The following TENM3 variants were observed in gnomAD, a reference collection of about 807,000 sequenced individuals.
TENM3 encodes the protein teneurin transmembrane protein 3.
TENM3 carries 63 observed loss-of-function variants against 255.1 expected under a neutral mutation model. That is an observed-to-expected ratio of 0.25 (90% CI 0.20 to 0.30). TENM3 has a LOEUF of 0.30. Among genes scored for constraint, TENM3 ranks in the 10% least tolerant of loss-of-function variants. TENM3 has a pLI of 1.00. For missense variants in TENM3, 2,929 were observed against 3,461.1 expected, an observed-to-expected ratio of 0.85 and a Z score of 3.86; for synonymous variants, 1,306 against 1,322.3, an observed-to-expected ratio of 0.99 and a Z score of 0.27.
At chr4:182,239,690 T>C (rs1458760220), upstream of TENM3, among the ~76,000 whole-genome samples, 1 of 152,026 alleles carries the variant, frequency 6.6e-6, no homozygotes, top group Non-Finnish European at 1.5e-5. Context: ...GGAGACAGGG[T>C]AGGGAGAAAA....
At chr4:182,186,759 C>T (rs1753174762) in intron 1 of TENM3, among the ~76,000 whole-genome samples, 1 of 52,252 alleles carries the variant, frequency 1.9e-5, no homozygotes, top group Non-Finnish European at 3.8e-5. Context: ...TATACTAATG[C>T]ATCATATATA....
chr4:181,696,736 C>T, the TENM3 span, among the ~76,000 whole-genome samples: 3 of 152,084 alleles, frequency 2.0e-5, no homozygotes, highest in Non-Finnish European at 4.4e-5. Flanking sequence ...ATTCTATGTA[C>T]GAGGGGACTG....
chr4:181,588,242 A>G, the TENM3 span, among the ~76,000 whole-genome samples: 1 of 152,150 alleles, frequency 6.6e-6, no homozygotes, highest in Non-Finnish European at 1.5e-5. Context: ...CCTTCTCCGC[A>G]CATCAAACAT....
chr4:182,092,854 G>A, the TENM3 span, among the ~76,000 whole-genome samples: 1 of 152,150 alleles, frequency 6.6e-6, no homozygotes, highest in East Asian at 1.9e-4. Context: ...CTACATAAAG[G>A]CTTTTCAAGT....
chr4:182,536,085 G>A lies in TENM3; in HGVS notation c.512-64839G>A, dbSNP rs191145127. ...TGAGATAAATGCCACGAACAAATAT[G>A]GTGTATTTTTATTTACTTTAAATTT... On this transcript the variant is annotated intron_variant, in intron 3 of 27. Coordinates refer to ENST00000511685, the MANE Select transcript of TENM3 (RefSeq NM_001080477.4). Among the ~76,000 whole-genome samples, 153 of 152,224 alleles carry A rather than the reference G, an allele frequency of 1.0e-3. 1 individual carries two copies. The highest frequency in any genetic ancestry group is 3.7e-3 in the South Asian group (18 of 4,822).
intron 19 of TENM3, among the ~76,000 whole-genome samples, chr4:182,748,790 C>T (rs1762179526): frequency 6.6e-6 from 1 of 152,196 alleles, no homozygotes; most frequent in Non-Finnish European, 1.5e-5. Context: ...TAATTCTCTT[C>T]TCTAGGGCCA....
the TENM3 span, among the ~76,000 whole-genome samples, chr4:181,989,744 C>T: frequency 1.3e-5 from 2 of 152,088 alleles, no homozygotes; most frequent in South Asian, 2.1e-4. Flanking sequence ...TGCAGCTATT[C>T]GTATTAACTG....
At chr4:182,642,476 T>C (rs1475910709) in intron 5 of TENM3, among the ~76,000 whole-genome samples, 2 of 152,354 alleles carry the variant, frequency 1.3e-5, no homozygotes, top group Non-Finnish European at 2.9e-5. Flanking sequence ...TTGTTTAATG[T>C]TATCATTTAT....
At chr4:182,056,406 AC>A in the TENM3 span, among the ~76,000 whole-genome samples, 1 of 152,178 alleles carries the variant, frequency 6.6e-6, no homozygotes, top group Non-Finnish European at 1.5e-5. Flanking sequence ...GATGGCAGGC[AC>A]TTTGCCACAT....
At chr4:181,566,329 A>C in the TENM3 span, among the ~76,000 whole-genome samples, 1 of 152,208 alleles carries the variant, frequency 6.6e-6, no homozygotes, top group East Asian at 1.9e-4. Context: ...GAATTTCAGG[A>C]GAAATTTTGG....
the TENM3 span, among the ~76,000 whole-genome samples, chr4:181,568,158 A>G: frequency 8.1e-5 from 12 of 147,512 alleles, no homozygotes; most frequent in Admixed American, 8.1e-4. Flanking sequence ...CATGCCAACT[A>G]ATACTTTTTT....
intron 3 of TENM3, among the ~76,000 whole-genome samples, chr4:182,393,927 C>G (rs375239882): frequency 6.6e-6 from 1 of 152,130 alleles, no homozygotes; most frequent in East Asian, 1.9e-4. Context: ...TTATGACATA[C>G]CAGTCATTTA....
the TENM3 span, among the ~76,000 whole-genome samples, chr4:181,799,130 CAT>C: frequency 3.4e-4 from 51 of 152,186 alleles, no homozygotes; most frequent in African/African-American, 1.2e-3. Context: ...AGGGAGATGA[CAT>C]AACTGCATTA....
the TENM3 span, among the ~76,000 whole-genome samples, chr4:181,641,810 A>ATG: frequency 1.7e-4 from 12 of 69,700 alleles, no homozygotes; most frequent in African/African-American, 6.7e-4. Context: ...CACACCATAT[A>ATG]TATATATATA....
the TENM3 span, among the ~76,000 whole-genome samples, chr4:181,798,343 C>T: frequency 6.6e-6 from 1 of 151,820 alleles, no homozygotes; most frequent in Non-Finnish European, 1.5e-5. Flanking sequence ...GAGTCTTGCT[C>T]TGTCACCCAG....
chr4:182,641,064 C>A (rs1048003660), intron 5 of TENM3, among the ~76,000 whole-genome samples: 3 of 152,214 alleles, frequency 2.0e-5, no homozygotes, highest in Non-Finnish European at 4.4e-5. Flanking sequence ...GCCAGCCGAA[C>A]TTGATAAGGC....
the TENM3 span, among the ~76,000 whole-genome samples, chr4:181,999,436 A>T: frequency 0.031 from 4,717 of 152,278 alleles, 223 homozygotes; most frequent in African/African-American, 0.11. Flanking sequence ...GTTGCAGGAC[A>T]GCCTACTTTG....
At chr4:182,689,884 GTGTTA>G (rs1279419010) in intron 12 of TENM3, among the ~76,000 whole-genome samples, 2 of 152,202 alleles carry the variant, frequency 1.3e-5, no homozygotes, top group African/African-American at 2.4e-5. Flanking sequence ...GCTATTGTTA[GTGTTA>G]ATGTATGTTT....
At chr4:181,685,741 T>C in the TENM3 span, among the ~76,000 whole-genome samples, 7 of 147,962 alleles carry the variant, frequency 4.7e-5, no homozygotes, top group African/African-American at 1.7e-4. Flanking sequence ...ACATTGCAAA[T>C]GTGCTTATGT....
Sources: gnomAD v4.1 joint callset for allele counts (sites outside exome capture counted in the v4.1 genomes callset) on GRCh38, gnomAD v4.1.1 for gene constraint, MANE v1.5 for transcripts, NCBI Gene and HGNC (gene_info 2026-07-23, HGNC 2026-07-21) for gene names.